GPR89B: variants seen among roughly 807,000 people sequenced by gnomAD.
GPR89B encodes the protein G protein-coupled receptor 89B.
A neutral mutation model predicts 52.4 loss-of-function variants in GPR89B; 25 were observed. That is an observed-to-expected ratio of 0.48 (90% CI 0.35 to 0.67). The LOEUF is 0.67. Ranked by LOEUF, GPR89B falls within the 30% of genes least tolerant of loss-of-function variation. GPR89B has a pLI of 0.01. For synonymous variants in GPR89B, 52 were observed against 151.2 expected (o/e 0.34, Z 4.81); for missense variants, 146 against 450.2 (o/e 0.32, Z 6.11).
intron 10 of GPR89B, among the ~76,000 whole-genome samples, chr1:147,973,823 C>A (rs1657643847): frequency 6.6e-6 from 1 of 151,288 alleles, no homozygotes; most frequent in Non-Finnish European, 1.5e-5. Context: ...AGTCTTTAAT[C>A]CATCTTGAGT....
the GPR89B span, among the ~76,000 whole-genome samples, chr1:148,012,424 C>G: frequency 6.6e-6 from 1 of 151,764 alleles, no homozygotes; most frequent in East Asian, 1.9e-4. Context: ...GTCTTTGACT[C>G]CCTTCCTTAC....
the GPR89B span, among the ~76,000 whole-genome samples, chr1:148,004,945 G>T: frequency 8.5e-6 from 1 of 117,756 alleles, no homozygotes; most frequent in Non-Finnish European, 1.9e-5. Context: ...GCCAGGTGCG[G>T]TGGTGCACAC....
chr1:147,962,116 AAG>A lies in GPR89B; in HGVS notation c.618-4434_618-4433del, dbSNP rs1381649541. On this transcript the variant is annotated intron_variant, in intron 7 of 13. Transcript: ENST00000314163. ...GTAGACATAGATCACTGGAACAGAAAAGAGAACCCAGAAATACCGACACATGG... is the reference window on the plus strand; with the variant it reads ...GTAGACATAGATCACTGGAACAGAAAAGAACCCAGAAATACCGACACATGG... Among the ~76,000 whole-genome samples, 1,069 of 152,024 alleles carry A rather than the reference AAG, an allele frequency of 7.0e-3. 33 individuals are homozygous for A. Among genetic ancestry groups the A allele is most frequent in the African/African-American group, 0.025 (1,019 of 41,320 alleles).
the GPR89B span, among the ~76,000 whole-genome samples, chr1:148,015,315 C>T: frequency 7.3e-6 from 1 of 136,494 alleles, no homozygotes. Flanking sequence ...CTCTCTCTCT[C>T]TCTCTCTCTC....
At chr1:147,980,743 CG>C (rs1658176277) in intron 10 of GPR89B, among the ~76,000 whole-genome samples, 1 of 135,918 alleles carries the variant, frequency 7.4e-6, no homozygotes, top group African/African-American at 2.8e-5. Flanking sequence ...GGCGTGAACC[CG>C]GGAGGCGGAG....
At chr1:147,947,999 G>C (rs1422518794) in intron 5 of GPR89B, among the ~76,000 whole-genome samples, 1 of 152,200 alleles carries the variant, frequency 6.6e-6, no homozygotes, top group Non-Finnish European at 1.5e-5. Flanking sequence ...ACCACAAACG[G>C]AACAAACTTG....
At chr1:147,971,464 CTTTTT>C (rs1196935183) in intron 10 of GPR89B, among the ~76,000 whole-genome samples, 1 of 70,248 alleles carries the variant, frequency 1.4e-5, no homozygotes, top group African/African-American at 6.2e-5. Flanking sequence ...GGAAGCATGT[CTTTTT>C]TTTTTTTTTT....
chr1:148,004,454 C>T, the GPR89B span, among the ~76,000 whole-genome samples: 51 of 145,880 alleles, frequency 3.5e-4, no homozygotes, highest in East Asian at 6.3e-4. Context: ...CGTGAGCCAC[C>T]GCGCCCGGCC....
At chr1:147,990,272 A>G (rs1253250304) in intron 12 of GPR89B, among the ~76,000 whole-genome samples, 1 of 152,104 alleles carries the variant, frequency 6.6e-6, no homozygotes, top group Non-Finnish European at 1.5e-5. Flanking sequence ...GTCTGTTCAT[A>G]TCCTTTGCCC....
chr1:147,983,976 A>G (rs1571314254), intron 10 of GPR89B, among the ~76,000 whole-genome samples: 1 of 151,734 alleles, frequency 6.6e-6, no homozygotes, highest in Admixed American at 6.6e-5. Context: ...GCACATATAC[A>G]CCATGGAATA....
At chr1:147,964,637 G>A (rs1453577919) in intron 7 of GPR89B, among the ~76,000 whole-genome samples, 15 of 151,560 alleles carry the variant, frequency 9.9e-5, no homozygotes, top group African/African-American at 2.4e-5. Context: ...TATTTGATAA[G>A]AGCAAAATTG....
Position 147,928,468 on chromosome 1 carries a change from C to A in GPR89B, c.-69C>A, listed in dbSNP as rs1316554244. The A allele has an allele frequency of 2.9e-5, 46 of 1,592,872 alleles. No individual in the cohort carries two copies. Among genetic ancestry groups the A allele is most frequent in the Non-Finnish European group, 3.7e-5 (43 of 1,161,580 alleles). On this transcript the variant is annotated 5_prime_UTR_variant, in exon 1 of 14. The change creates a new upstream start codon in the 5' untranslated region. Transcript: ENST00000314163. ...GAGAAGGCAGACCGTGTGAGGGGGC[C>A]TGTGGCCCCAGCGTGCTGTGGCCTC...
chr1:147,932,451 A>G (rs1316142733), intron 1 of GPR89B, among the ~76,000 whole-genome samples: 5 of 152,056 alleles, frequency 3.3e-5, no homozygotes, highest in Admixed American at 3.3e-4. Context: ...TAGTTTGCCA[A>G]CGCCAGGAGT....
chr1:148,003,090 T>G, the GPR89B span, among the ~76,000 whole-genome samples: 7 of 152,248 alleles, frequency 4.6e-5, no homozygotes, highest in Admixed American at 4.6e-4. Context: ...AGAATTCCTG[T>G]CTGCTTCATA....
At chr1:148,012,657 G>A in the GPR89B span, among the ~76,000 whole-genome samples, 2 of 151,944 alleles carry the variant, frequency 1.3e-5, no homozygotes, top group Non-Finnish European at 2.9e-5. Flanking sequence ...AAAAGACAAA[G>A]ACAAAAGAGG....
chr1:147,971,464 CTTTTTTTT>C (rs1196935183), intron 10 of GPR89B, among the ~76,000 whole-genome samples: 1 of 70,256 alleles, frequency 1.4e-5, no homozygotes, highest in African/African-American at 6.2e-5. Flanking sequence ...GGAAGCATGT[CTTTTTTTT>C]TTTTTTTTTT....
chr1:148,021,520 T>G, the GPR89B span, among the ~76,000 whole-genome samples: 1 of 149,738 alleles, frequency 6.7e-6, no homozygotes, highest in South Asian at 2.1e-4. Context: ...AGCTGTGGGG[T>G]GGGGCGGACA....
At chr1:148,016,872 T>C in the GPR89B span, among the ~76,000 whole-genome samples, 2 of 151,270 alleles carry the variant, frequency 1.3e-5, no homozygotes, top group African/African-American at 4.9e-5. Flanking sequence ...CTTTTGTCTG[T>C]GAGTTTCATT....
At chr1:147,936,733 T>G (rs782076756) in intron 2 of GPR89B, 47 bp downstream of exon 2, 4 of 1,539,140 alleles carry the variant, frequency 2.6e-6, no homozygotes, top group East Asian at 2.3e-5. Context: ...GAATTTAGAT[T>G]GACAAGAAAA....
Sources: gnomAD v4.1 joint callset for allele counts (sites outside exome capture counted in the v4.1 genomes callset) on GRCh38, gnomAD v4.1.1 for gene constraint, MANE v1.5 for transcripts, NCBI Gene and HGNC (gene_info 2026-07-23, HGNC 2026-07-21) for gene names.